Variants in BAZ1B observed in about 807,000 individuals in gnomAD.
BAZ1B encodes bromodomain adjacent to zinc finger domain 1B, also known as tyrosine-protein kinase BAZ1B.
Under a neutral mutation model 153.8 loss-of-function variants are expected in BAZ1B, and 22 were observed. The observed-to-expected ratio is 0.14, with a 90% CI of 0.10 to 0.20. BAZ1B has a LOEUF of 0.20. Among genes scored for constraint, BAZ1B ranks in the 10% least tolerant of loss-of-function variants. The pLI is 1.00. For synonymous variants in BAZ1B, 676 were observed against 633.4 expected, an observed-to-expected ratio of 1.07 and a Z score of -1.01; for missense variants, 1,325 against 1,799.3, an observed-to-expected ratio of 0.74 and a Z score of 4.77.
At chr7:73,479,058 G>A (rs1789101073) in intron 6 of BAZ1B, among the ~76,000 whole-genome samples, 1 of 150,950 alleles carries the variant, frequency 6.6e-6, no homozygotes, top group African/African-American at 2.5e-5. Context: ...CTTTTAAGTA[G>A]AAATGATACT....
chr7:73,466,426 T>C, intron 9 of BAZ1B, 25 bp from the exon 10 acceptor site: 1 of 1,538,294 alleles, frequency 6.5e-7, no homozygotes, highest in South Asian at 1.1e-5. Context: ...GACATTAGGT[T>C]GACTTTAGTA....
chr7:73,478,044 G>C lies in BAZ1B; in HGVS notation c.1417C>G (p.Pro473Ala), dbSNP rs1554573137. ...TSSKPHKHLP[P>A]AALHLIAYYK... Reference sequence around the variant, plus strand: ...TATGCAATGAGGTGTAGGGCTGCAGGAGGCAGATGTTTATGAGGTTTACTA... The same window carrying C: ...TATGCAATGAGGTGTAGGGCTGCAGCAGGCAGATGTTTATGAGGTTTACTA... The change falls in exon 7 of 20, where the codon CCT becomes GCT. Residue 473 changes from proline (P) to alanine (A), a missense_variant. Coordinates refer to ENST00000339594, the MANE Select transcript of BAZ1B (RefSeq NM_032408.4). 1 of 1,614,154 alleles carries C rather than the reference G, an allele frequency of 6.2e-7. No individual in the cohort carries two copies. Among genetic ancestry groups the C allele is most frequent in the East Asian group, 2.2e-5 (1 of 44,890 alleles).
intron 5 of BAZ1B, among the ~76,000 whole-genome samples, chr7:73,492,542 C>T (rs1274123463): frequency 6.6e-6 from 1 of 152,170 alleles, no homozygotes; most frequent in African/African-American, 2.4e-5. Context: ...AATTTTCAAA[C>T]TGAATTTCAA....
chr7:73,457,822 A>G (rs1788258948), intron 13 of BAZ1B, among the ~76,000 whole-genome samples: 1 of 152,188 alleles, frequency 6.6e-6, no homozygotes, highest in African/African-American at 2.4e-5. Context: ...ATTAAGCTCT[A>G]CGAAGATACT....
rs374264183 is a variant in BAZ1B at position 73,492,953 on chromosome 7, G to T, written c.572-32C>A. 6 of 1,564,194 alleles carry T rather than the reference G, an allele frequency of 3.8e-6. No homozygotes were observed. In the Admixed American group the frequency reaches 6.2e-5, roughly 16 times the overall value. The stretch of plus-strand genomic sequence containing the variant: ...AAATCATAGAAAATTAGTGAAAAAC[G>T]TAATTATTTTAATCCTTTTCATTCA... On this transcript the variant is annotated intron_variant, in intron 4 of 19. Transcript: ENST00000339594.
chr7:73,502,233 C>T (rs1257678545), intron 3 of BAZ1B, among the ~76,000 whole-genome samples: 1 of 152,032 alleles, frequency 6.6e-6, no homozygotes, highest in African/African-American at 2.4e-5. Flanking sequence ...GGATTTTGGT[C>T]ACTACTGTTT....
chr7:73,516,010 T>C (rs571023295), intron 1 of BAZ1B, among the ~76,000 whole-genome samples: 62 of 152,130 alleles, frequency 4.1e-4, no homozygotes, highest in African/African-American at 1.4e-3. Flanking sequence ...GAGCCAGGTG[T>C]GGTGCACGTG....
At chr7:73,462,600 G>T in intron 12 of BAZ1B, 1 of 312,724 alleles carries the variant, frequency 3.2e-6, no homozygotes, top group Non-Finnish European at 6.1e-6. Flanking sequence ...ACACCTGAAA[G>T]CACAGGCATC....
chr7:73,463,003 A>G lies in BAZ1B; in HGVS notation c.3168T>C (p.Arg1056=). The change falls in exon 12 of 20, where the codon CGT becomes CGC. Residue 1056 remains arginine, a synonymous_variant. Transcript: ENST00000339594. Reference sequence around the variant, plus strand: ...TTGTTGCAACTTCAATGAGATCACTACGAAGGAAGTTTAAAAGCTCCTGGT... The same window carrying G: ...TTGTTGCAACTTCAATGAGATCACTGCGAAGGAAGTTTAAAAGCTCCTGGT... ...DGNQELLNFL[R]SDLIEVATRL... is the part of the protein sequence containing the mutation. 6.2e-7 allele frequency: 1 copy of G among 1,614,064 alleles called. No individual in the cohort carries two copies. The highest frequency in any genetic ancestry group is 8.5e-7 in the Non-Finnish European group (1 of 1,179,956).
intron 4 of BAZ1B, among the ~76,000 whole-genome samples, chr7:73,497,685 T>C (rs782231620): frequency 6.6e-6 from 1 of 151,362 alleles, no homozygotes; most frequent in African/African-American, 2.4e-5. Flanking sequence ...TATTGAGAGA[T>C]GGGTTAAGTG....
intron 11 of BAZ1B, 136 bp from the exon 12 acceptor site, chr7:73,463,235 TTTTC>T: frequency 1.2e-6 from 1 of 821,972 alleles, no homozygotes; most frequent in Non-Finnish European, 1.8e-6. Context: ...GTTTTTTCTT[TTTTC>T]TTTTTTTTTT....
rs1563360868 is a variant in BAZ1B at position 73,443,987 on chromosome 7, CTCATCCACCTCAGCA to C, written c.3972_3986del (p.Asp1324_Asp1328del). 3 of 1,613,264 alleles carry C rather than the reference CTCATCCACCTCAGCA, an allele frequency of 1.9e-6. No individual in the cohort carries two copies. Among genetic ancestry groups the C allele is most frequent in the East Asian group, 4.5e-5 (2 of 44,802 alleles). On this transcript the variant is annotated inframe_deletion, in exon 17 of 20. Transcript: ENST00000339594. Reference sequence around the variant, plus strand: ...AGGGATGATAAATAATTCTCACCAGCTCATCCACCTCAGCATCATCCACAGGTGGTGCCTTGGGCT... The same window carrying C: ...AGGGATGATAAATAATTCTCACCAGCTCATCCACAGGTGGTGCCTTGGGCT...
intron 7 of BAZ1B, 25 bp downstream of exon 7, chr7:73,476,843 C>T (rs1554572858): frequency 4.5e-6 from 7 of 1,570,946 alleles, no homozygotes; most frequent in Non-Finnish European, 6.0e-6. Flanking sequence ...AGAGCTTCCC[C>T]TTTTCTCTCA....
chr7:73,472,060 T>A (rs1788825252), intron 7 of BAZ1B, among the ~76,000 whole-genome samples: 1 of 152,172 alleles, frequency 6.6e-6, no homozygotes, highest in Non-Finnish European at 1.5e-5. Flanking sequence ...CAAATACTGA[T>A]CTTGGTAAAA....
chr7:73,469,701 GGA>G, intron 8 of BAZ1B, 51 bp from the exon 9 acceptor site: 1 of 1,600,520 alleles, frequency 6.2e-7, no homozygotes, highest in Non-Finnish European at 8.6e-7. Flanking sequence ...CAGGATTGCA[GGA>G]TGATTTTACT....
chr7:73,502,310 A>G (rs1790165784), intron 3 of BAZ1B, among the ~76,000 whole-genome samples: 1 of 152,020 alleles, frequency 6.6e-6, no homozygotes, highest in Admixed American at 6.6e-5. Flanking sequence ...AAACCCCTCT[A>G]TATTGGGACA....
intron 12 of BAZ1B, among the ~76,000 whole-genome samples, chr7:73,460,690 T>TG (rs1788365806): frequency 6.6e-6 from 1 of 152,168 alleles, no homozygotes; most frequent in South Asian, 2.1e-4. Context: ...CTCACTATGT[T>TG]GCGCAGGCTG....
At chr7:73,516,953 G>A (rs1037776751) in intron 1 of BAZ1B, among the ~76,000 whole-genome samples, 4 of 151,980 alleles carry the variant, frequency 2.6e-5, no homozygotes, top group Non-Finnish European at 4.4e-5. Flanking sequence ...GGCTGAGGCC[G>A]GTGGATCAAC....
rs138938790 is a variant in BAZ1B, at chr7:73,477,469, T to C, written c.1992A>G (p.Gln664=). ...CACCATAGTCTTCTGCTATCTCATC[T>C]TGTAGGAGGGTCTGTAAGAGGATGA... ...VLVILLQTLL[Q]DEIAEDYGEL... The change falls in exon 7 of 20, where the codon CAA becomes CAG. Residue 664 remains glutamine (Q), a synonymous_variant. Transcript: ENST00000339594. This position sits in a 1 kb window ranked among gnomAD's most constrained non-coding sequence, Gnocchi z 5.6. The C allele has an allele frequency of 2.3e-4, 376 of 1,614,232 alleles. 1 individual carries two copies. The highest frequency in any genetic ancestry group is 1.6e-3 in the Admixed American group (99 of 60,022).
Sources: gnomAD v4.1 joint callset for allele counts (sites outside exome capture counted in the v4.1 genomes callset) on GRCh38, gnomAD v4.1.1 for gene constraint, Gnocchi (gnomAD v3.1) non-coding constraint, MANE v1.5 for transcripts, NCBI Gene and HGNC (gene_info 2026-07-23, HGNC 2026-07-21) for gene names.